ANKS1B: variants seen among roughly 807,000 people sequenced by gnomAD.
The protein encoded by ANKS1B is ankyrin repeat and sterile alpha motif domain-containing protein 1B.
A neutral mutation model predicts 148.3 loss-of-function variants in ANKS1B; 36 were observed. The ratio of observed to expected loss-of-function variants is 0.24; its 90% CI spans 0.19 to 0.32. The LOEUF (loss-of-function observed/expected upper bound fraction) is 0.32. Ranked by LOEUF, ANKS1B falls within the 10% of genes least tolerant of loss-of-function variation. The pLI is 1.00. For missense variants in ANKS1B, 1,157 were observed against 1,542.6 expected, an observed-to-expected ratio of 0.75 and a Z score of 4.19; for synonymous variants, 542 against 560.8, an observed-to-expected ratio of 0.97 and a Z score of 0.47.
chr12:99,567,200 A>C (rs2097403990), intron 9 of ANKS1B, among the ~76,000 whole-genome samples: 1 of 152,174 alleles, frequency 6.6e-6, no homozygotes, highest in Non-Finnish European at 1.5e-5. Context: ...CCGTCAGTTT[A>C]TATAAGCTGC....
chr12:99,224,369 G>T (rs2153941941), intron 14 of ANKS1B, among the ~76,000 whole-genome samples: 1 of 152,280 alleles, frequency 6.6e-6, no homozygotes, highest in East Asian at 1.9e-4. Context: ...TGGAGGTAGG[G>T]TCGACTGGGA....
At chr12:99,495,100 CTACTT>C (rs1281288893) in intron 10 of ANKS1B, among the ~76,000 whole-genome samples, 2 of 152,056 alleles carry the variant, frequency 1.3e-5, no homozygotes, top group African/African-American at 4.8e-5. Context: ...TAAGTCCACT[CTACTT>C]TCATGAGCAT....
chr12:99,010,256 T>C (rs931881359), intron 17 of ANKS1B, among the ~76,000 whole-genome samples: 11 of 152,240 alleles, frequency 7.2e-5, no homozygotes, highest in Non-Finnish European at 1.6e-4. Flanking sequence ...TTAACCGCTC[T>C]GTGCTTTTTT....
chr12:99,753,220 AG>A (rs1256560056), intron 8 of ANKS1B, among the ~76,000 whole-genome samples: 4 of 152,174 alleles, frequency 2.6e-5, no homozygotes, highest in African/African-American at 9.6e-5. Context: ...ATATAAAGAA[AG>A]ACTTGAACTA....
At chr12:99,590,769 C>T (rs911043147) in intron 9 of ANKS1B, among the ~76,000 whole-genome samples, 2 of 152,032 alleles carry the variant, frequency 1.3e-5, no homozygotes, top group African/African-American at 2.4e-5. Context: ...TGGTTATTTC[C>T]GAATAAGGGT....
intron 8 of ANKS1B, among the ~76,000 whole-genome samples, chr12:99,724,704 T>C (rs762456499): frequency 3.3e-5 from 5 of 151,896 alleles, no homozygotes; most frequent in South Asian, 2.1e-4. Flanking sequence ...CACATAATCA[T>C]TAGATTCTCC....
chr12:99,580,474 TTA>T (rs1429459398), intron 9 of ANKS1B, among the ~76,000 whole-genome samples: 2 of 152,056 alleles, frequency 1.3e-5, no homozygotes, highest in African/African-American at 4.8e-5. Context: ...CTGGAGAACA[TTA>T]TGTTATGTGA....
At chr12:99,494,466 T>C (rs532778137) in intron 10 of ANKS1B, among the ~76,000 whole-genome samples, 253 of 152,128 alleles carry the variant, frequency 1.7e-3, no homozygotes, top group Non-Finnish European at 2.5e-3. Context: ...ATGTGCACAA[T>C]GCAGTAAAAA....
intron 20 of ANKS1B, among the ~76,000 whole-genome samples, chr12:98,804,997 C>T (rs2099039146): frequency 6.6e-6 from 1 of 152,078 alleles, no homozygotes; most frequent in African/African-American, 2.4e-5. Context: ...GCTAACAACG[C>T]AATATTTCAT....
chr12:99,605,247 A>G (rs1165220050), intron 9 of ANKS1B, among the ~76,000 whole-genome samples: 1 of 152,134 alleles, frequency 6.6e-6, no homozygotes, highest in Non-Finnish European at 1.5e-5. Context: ...TGGAGTGTAC[A>G]TTGCATATAT....
intron 14 of ANKS1B, among the ~76,000 whole-genome samples, chr12:99,189,420 T>C (rs201776149): frequency 1.3e-5 from 2 of 152,142 alleles, no homozygotes. Flanking sequence ...ATATCCCTGA[T>C]GAACATCAAT....
intron 17 of ANKS1B, among the ~76,000 whole-genome samples, chr12:98,853,617 G>C (rs189166493): frequency 6.1e-4 from 93 of 152,286 alleles, no homozygotes; most frequent in African/African-American, 2.2e-3. Flanking sequence ...TGCCACGCTG[G>C]GAGAGGCCTC....
At chr12:99,747,302 T>C (rs3924116) in intron 8 of ANKS1B, among the ~76,000 whole-genome samples, 66,325 of 151,784 alleles carry the variant, frequency 0.44, 14,908 homozygotes, top group South Asian at 0.61. Flanking sequence ...TCTTGTTTTC[T>C]GAGTTGCAGA....
At chr12:99,372,960 G>T (rs1484189616) in intron 12 of ANKS1B, among the ~76,000 whole-genome samples, 1 of 152,012 alleles carries the variant, frequency 6.6e-6, no homozygotes, top group Non-Finnish European at 1.5e-5. Flanking sequence ...TATTGGAATT[G>T]GTTATGATTA....
At chr12:99,902,908 G>T (rs542886062) in intron 1 of ANKS1B, among the ~76,000 whole-genome samples, 1 of 129,580 alleles carries the variant, frequency 7.7e-6, no homozygotes, top group African/African-American at 2.9e-5. Flanking sequence ...GCACCACCAC[G>T]CCCGGCTAAT....
At chr12:98,788,159 C>A (rs1164200219) in intron 22 of ANKS1B, among the ~76,000 whole-genome samples, 8 of 151,238 alleles carry the variant, frequency 5.3e-5, no homozygotes, top group African/African-American at 1.9e-4. Context: ...AATCCCAGCA[C>A]TTTGGAAGGC....
chr12:99,956,695 A>G (rs1029410218), intron 1 of ANKS1B, among the ~76,000 whole-genome samples: 1 of 152,214 alleles, frequency 6.6e-6, no homozygotes, highest in Non-Finnish European at 1.5e-5. Flanking sequence ...CTGACTGGTC[A>G]GTGCTTGTGC....
At chr12:99,718,633 G>T (rs1350019394) in intron 8 of ANKS1B, among the ~76,000 whole-genome samples, 1 of 152,148 alleles carries the variant, frequency 6.6e-6, no homozygotes, top group Non-Finnish European at 1.5e-5. Context: ...GTTAGTTCAG[G>T]ATCTGCGCCT....
Position 99,384,531 on chromosome 12 carries a change from T to C in ANKS1B, c.1756+15100A>G, listed in dbSNP as rs2093778898. On this transcript the variant is annotated intron_variant, in intron 12 of 26. Transcript: ENST00000683438. Reference sequence around the variant, plus strand: ...CCCAAAGATCATTTTTCATAGTAAGTGGCAAACTAAAGACTTAAGTAGGAA... The same window carrying C: ...CCCAAAGATCATTTTTCATAGTAAGCGGCAAACTAAAGACTTAAGTAGGAA... Among the ~76,000 whole-genome samples the C allele has an allele frequency of 2.0e-5, 3 of 151,290 alleles. No individual in the cohort carries two copies. The South Asian group carries it at 6.2e-4, about 31-fold the overall frequency.
Sources: allele counts gnomAD v4.1 joint callset (sites outside exome capture counted in the v4.1 genomes callset), GRCh38; gene constraint gnomAD v4.1.1; transcripts MANE v1.5; gene names NCBI Gene and HGNC (gene_info 2026-07-23, HGNC 2026-07-21).